The following ZFAND3 variants were observed in gnomAD, a reference collection of about 807,000 sequenced individuals.
ZFAND3 encodes AN1-type zinc finger protein 3.
A neutral mutation model predicts 29.6 loss-of-function variants in ZFAND3; 10 were observed. The ratio of observed to expected loss-of-function variants is 0.34; its 90% CI spans 0.21 to 0.57. The LOEUF (loss-of-function observed/expected upper bound fraction) is 0.57. Ranked by LOEUF, ZFAND3 falls within the 20% of genes least tolerant of loss-of-function variation. ZFAND3 has a pLI of 0.86. For synonymous variants in ZFAND3, 128 were observed against 112.6 expected (o/e 1.14, Z -0.87); for missense variants, 230 against 304.5 (o/e 0.76, Z 1.82).
At chr6:37,836,549 C>T (rs1763972168) in intron 1 of ZFAND3, among the ~76,000 whole-genome samples, 1 of 152,132 alleles carries the variant, frequency 6.6e-6, no homozygotes, top group South Asian at 2.1e-4. Flanking sequence ...CCTTGAAGGT[C>T]CTAGAAGAAC....
intron 1 of ZFAND3, among the ~76,000 whole-genome samples, chr6:37,869,211 A>G (rs1191005041): frequency 1.3e-5 from 2 of 152,136 alleles, no homozygotes; most frequent in African/African-American, 2.4e-5. Flanking sequence ...TCCAGGCTGG[A>G]GTGCAGTGGC....
intron 2 of ZFAND3, among the ~76,000 whole-genome samples, chr6:37,973,154 A>C (rs1014724133): frequency 6.6e-6 from 1 of 152,094 alleles, no homozygotes; most frequent in Admixed American, 6.5e-5. Flanking sequence ...TCAGTTTTCA[A>C]ATGTTGCAAA....
chr6:38,031,793 G>A lies in ZFAND3; in HGVS notation c.113-29800G>A, dbSNP rs192338984. Among the ~76,000 whole-genome samples the A allele has an allele frequency of 3.3e-5, 5 of 152,050 alleles. No homozygotes were observed. In the East Asian group the frequency reaches 7.7e-4, roughly 23 times the overall value. On this transcript the variant is annotated intron_variant, in intron 2 of 5. Transcript: ENST00000287218. The stretch of plus-strand genomic sequence containing the variant: ...CCTTTTAATGTATCTCCTTTGTTAT[G>A]CATATGTAGACTCCAACTTACAGTT...
rs987847202 is a variant in ZFAND3, at chr6:37,985,551, G to A, written c.112+55552G>A. 6.7e-5 allele frequency among the ~76,000 whole-genome samples: 10 copies of A among 150,062 alleles called. 1 individual carries two copies. Among genetic ancestry groups the A allele is most frequent in the Admixed American group, 3.3e-4 (5 of 15,072 alleles). On this transcript the variant is annotated intron_variant, in intron 2 of 5. Coordinates refer to ENST00000287218, the MANE Select transcript of ZFAND3 (RefSeq NM_021943.3). ...CACCCCCACACACGCCTGGTGGCACGTGCTTGTGGTTCCAGCTACTCAGGA... is the reference window on the plus strand; with the variant it reads ...CACCCCCACACACGCCTGGTGGCACATGCTTGTGGTTCCAGCTACTCAGGA...
chr6:38,011,134 T>C lies in ZFAND3; in HGVS notation c.113-50459T>C, dbSNP rs562362808. ...GCATAATACGTTTGGGACTCATTCA[T>C]GTTGTTTTCATGTAGTTTGTTCCTT... On this transcript the variant is annotated intron_variant, in intron 2 of 5. Transcript: ENST00000287218. Among the ~76,000 whole-genome samples, 14 of 152,282 alleles carry C rather than the reference T, an allele frequency of 9.2e-5. No individual in the cohort carries two copies. The South Asian group carries it at 2.7e-3, about 29-fold the overall frequency.
intron 1 of ZFAND3, 63 bp downstream of exon 1, chr6:37,820,079 TGGGCAGGCCTCG>T: frequency 9.7e-7 from 1 of 1,028,608 alleles, no homozygotes; most frequent in East Asian, 7.8e-5. Context: ...CAGGGCAGCC[TGGGCAGGCCTCG>T]GGGCCCGGGA....
rs1763625364 is a variant in ZFAND3 at position 37,819,858 on chromosome 6, A to ACGCCGCCGC, written c.-86_-78dup. Reference sequence around the variant, plus strand: ...CCCTCCCCCCGCCCCGAGCCCCCCGACGCCGCCGCCACCGCCTCCTCAGAG... The same window carrying ACGCCGCCGC: ...CCCTCCCCCCGCCCCGAGCCCCCCGACGCCGCCGCCGCCGCCGCCACCGCCTCCTCAGAG... On this transcript the variant is annotated 5_prime_UTR_variant, in exon 1 of 6. Coordinates refer to ENST00000287218, the MANE Select transcript of ZFAND3 (RefSeq NM_021943.3). The ACGCCGCCGC allele has an allele frequency of 2.6e-5, 14 of 542,888 alleles. No individual in the cohort carries two copies. The highest frequency in any genetic ancestry group is 3.5e-5 in the Non-Finnish European group (14 of 396,884). 33.6% of individuals were successfully genotyped at this position (542,888 alleles called of 1,614,324 possible). A position where few individuals can be genotyped will look rare whatever the true frequency, so the allele number is the denominator to read the frequency against.
At chr6:37,910,192 A>G (rs34929455) in intron 1 of ZFAND3, among the ~76,000 whole-genome samples, 4,874 of 152,284 alleles carry the variant, frequency 0.032, 90 homozygotes, top group Middle Eastern at 0.041. Flanking sequence ...TTTTCTTACT[A>G]GCATATGAAC....
intron 3 of ZFAND3, among the ~76,000 whole-genome samples, chr6:38,080,686 A>G (rs1246825476): frequency 6.6e-6 from 1 of 152,194 alleles, no homozygotes; most frequent in African/African-American, 2.4e-5. Context: ...TTTTCCAGAA[A>G]TAAGAAGGCT....
chr6:37,911,629 C>G (rs1341031144), intron 1 of ZFAND3, among the ~76,000 whole-genome samples: 1 of 152,174 alleles, frequency 6.6e-6, no homozygotes, highest in Non-Finnish European at 1.5e-5. Context: ...AAGCAGTCAA[C>G]ATAGATTTTA....
chr6:38,097,248 CATTT>C (rs1244921193), intron 4 of ZFAND3, among the ~76,000 whole-genome samples: 33 of 124,092 alleles, frequency 2.7e-4, no homozygotes, highest in African/African-American at 9.3e-4. Flanking sequence ...GTTAATTTTT[CATTT>C]TTTTTTTTTT....
chr6:37,961,548 G>A lies in ZFAND3; in HGVS notation c.112+31549G>A, dbSNP rs187987585. ...GGTGTGGTTACAGTGGGCCTTGGGTGAAACCCAGTGCTATGCTGGCTTCAG... is the reference window on the plus strand; with the variant it reads ...GGTGTGGTTACAGTGGGCCTTGGGTAAAACCCAGTGCTATGCTGGCTTCAG... On this transcript the variant is annotated intron_variant, in intron 2 of 5. Transcript: ENST00000287218. 3.1e-3 allele frequency among the ~76,000 whole-genome samples: 473 copies of A among 152,348 alleles called. 4 individuals carry two copies. The highest frequency in any genetic ancestry group is 4.6e-3 in the Non-Finnish European group (316 of 68,028).
chr6:37,886,235 C>A (rs1764987391), intron 1 of ZFAND3, among the ~76,000 whole-genome samples: 1 of 76,068 alleles, frequency 1.3e-5, no homozygotes. Flanking sequence ...GAGACTCTGT[C>A]TCAAAAAAAA....
chr6:38,071,795 C>G (rs191055513), intron 3 of ZFAND3, among the ~76,000 whole-genome samples: 40 of 152,270 alleles, frequency 2.6e-4, no homozygotes, highest in African/African-American at 9.4e-4. Flanking sequence ...TTATTTTATG[C>G]TACTTTGCTC....
chr6:37,963,319 A>G (rs1762232610), intron 2 of ZFAND3, among the ~76,000 whole-genome samples: 1 of 152,218 alleles, frequency 6.6e-6, no homozygotes, highest in African/African-American at 2.4e-5. Flanking sequence ...AACACAACAT[A>G]CCCAAACCTG....
chr6:37,957,437 C>T (rs1762103962), intron 2 of ZFAND3, among the ~76,000 whole-genome samples: 1 of 151,862 alleles, frequency 6.6e-6, no homozygotes, highest in Admixed American at 6.6e-5. Context: ...ACCTGCTTTA[C>T]AGTAGGTTTG....
intron 2 of ZFAND3, among the ~76,000 whole-genome samples, chr6:37,986,994 A>G (rs1322561301): frequency 6.6e-6 from 1 of 152,222 alleles, no homozygotes; most frequent in Non-Finnish European, 1.5e-5. Flanking sequence ...TCAGTGTCAA[A>G]ATTTACATTT....
At chr6:37,967,893 T>G (rs1318507764) in intron 2 of ZFAND3, among the ~76,000 whole-genome samples, 2 of 152,152 alleles carry the variant, frequency 1.3e-5, no homozygotes, top group Non-Finnish European at 2.9e-5. Flanking sequence ...TCTCTCCATG[T>G]GGGCTCTCAA....
chr6:38,105,671 T>A (rs1765193113), intron 4 of ZFAND3, among the ~76,000 whole-genome samples: 1 of 152,164 alleles, frequency 6.6e-6, no homozygotes, highest in Non-Finnish European at 1.5e-5. Flanking sequence ...TGTGATGTTG[T>A]ACTAGAGTTC....
Sources: allele counts gnomAD v4.1 joint callset (sites outside exome capture counted in the v4.1 genomes callset), GRCh38; gene constraint gnomAD v4.1.1; transcripts MANE v1.5; gene names NCBI Gene and HGNC (gene_info 2026-07-23, HGNC 2026-07-21).